The following BAZ2B variants were observed in gnomAD, a reference collection of about 807,000 sequenced individuals.
BAZ2B encodes bromodomain adjacent to zinc finger domain 2B, also known as bromodomain adjacent to zinc finger domain protein 2B.
Under a neutral mutation model 246.0 loss-of-function variants are expected in BAZ2B, and 91 were observed. The ratio of observed to expected loss-of-function variants is 0.37; its 90% CI spans 0.31 to 0.44. The LOEUF (loss-of-function observed/expected upper bound fraction) is 0.44. Among genes scored for constraint, BAZ2B ranks in the 20% least tolerant of loss-of-function variants. The probability of loss-of-function intolerance (pLI) is 1.00; values close to 1 mark genes in which losing one functional copy is unlikely to be tolerated. For synonymous variants in BAZ2B, 855 were observed against 860.0 expected, an observed-to-expected ratio of 0.99 and a Z score of 0.10; for missense variants, 2,332 against 2,533.7, an observed-to-expected ratio of 0.92 and a Z score of 1.71.
rs556971147 is a variant in BAZ2B, at chr2:159,460,299, C to T, written c.146-6498G>A. The T allele has an allele frequency of 1.7e-4, 26 of 152,144 alleles. 1 individual carries two copies. Among genetic ancestry groups the T allele is most frequent in the African/African-American group, 6.0e-4 (25 of 41,554 alleles). The allele number at this position is 152,144 out of a possible 1,614,324, so 9.4% of individuals were successfully genotyped here. A position where few individuals can be genotyped will look rare whatever the true frequency, so the allele number is the denominator to read the frequency against. ...ATTGTACTGAACTAATGCCTTGACTCTAAACTACCAGTGAACAAAATCTCC... is the reference window on the plus strand; with the variant it reads ...ATTGTACTGAACTAATGCCTTGACTTTAAACTACCAGTGAACAAAATCTCC... On this transcript the variant is annotated intron_variant, in intron 3 of 36. Transcript: ENST00000392783.
At chr2:159,549,816 T>TTTTA (rs1553710745) in intron 2 of BAZ2B, among the ~76,000 whole-genome samples, 5 of 141,254 alleles carry the variant, frequency 3.5e-5, no homozygotes, top group African/African-American at 5.3e-5. Flanking sequence ...GCATAAACTT[T>TTTTA]TTTCTTTCTT....
At chr2:159,372,777 A>G (rs926817573) in intron 27 of BAZ2B, among the ~76,000 whole-genome samples, 1 of 152,242 alleles carries the variant, frequency 6.6e-6, no homozygotes, top group Non-Finnish European at 1.5e-5. Flanking sequence ...ATAAAAGGTA[A>G]TATAGATGGA....
intron 20 of BAZ2B, among the ~76,000 whole-genome samples, chr2:159,391,072 G>A (rs1005138255): frequency 6.6e-6 from 1 of 152,076 alleles, no homozygotes; most frequent in Non-Finnish European, 1.5e-5. Context: ...CTGAAATTTC[G>A]ATTCTTAAAC....
chr2:159,374,843 T>C (rs17577396), intron 25 of BAZ2B, 90 bp from the exon 26 acceptor site: 16 of 1,090,160 alleles, frequency 1.5e-5, no homozygotes, highest in Non-Finnish European at 6.8e-6. Flanking sequence ...CTATAGGCAC[T>C]GCGGAAAGGT....
intron 2 of BAZ2B, among the ~76,000 whole-genome samples, chr2:159,506,292 G>A (rs900525371): frequency 4.6e-5 from 7 of 152,042 alleles, no homozygotes; most frequent in African/African-American, 1.4e-4. Flanking sequence ...TATCCAGAGC[G>A]AGCCAGGATG....
In BAZ2B at chr2:159,319,525, T is replaced by C. The variant is rs1456799481; in HGVS notation, c.*740A>G. 2 of 152,560 alleles carry C rather than the reference T, an allele frequency of 1.3e-5. No homozygotes were observed. The highest frequency in any genetic ancestry group is 2.4e-5 in the African/African-American group (1 of 41,422). 9.5% of individuals were successfully genotyped at this position (152,560 alleles called of 1,614,324 possible). On this transcript the variant is annotated 3_prime_UTR_variant, in exon 37 of 37. Transcript: ENST00000392783. This position sits in a 1 kb window ranked among gnomAD's most constrained non-coding sequence, Gnocchi z 4.0. Reference sequence around the variant, plus strand: ...AACAATAATGTCTGCAAACAATATATACACATAATACATATTTAAAACAAG... The same window carrying C: ...AACAATAATGTCTGCAAACAATATACACACATAATACATATTTAAAACAAG...
intron 2 of BAZ2B, among the ~76,000 whole-genome samples, chr2:159,500,666 C>T (rs1239766580): frequency 6.6e-6 from 1 of 152,068 alleles, no homozygotes; most frequent in Non-Finnish European, 1.5e-5. Context: ...ATGAAAACAG[C>T]TGGGAGGCCA....
At chr2:159,422,234 G>GA (rs1315970625) in intron 13 of BAZ2B, among the ~76,000 whole-genome samples, 5 of 152,098 alleles carry the variant, frequency 3.3e-5, no homozygotes, top group African/African-American at 4.8e-5. Flanking sequence ...CACAGAAACA[G>GA]AAAAAACTAT....
At chr2:159,659,800 G>A in the BAZ2B span, among the ~76,000 whole-genome samples, 2 of 152,058 alleles carry the variant, frequency 1.3e-5, no homozygotes, top group South Asian at 2.1e-4. Flanking sequence ...TGATTTCCAG[G>A]GCACAGAAGT....
intron 27 of BAZ2B, among the ~76,000 whole-genome samples, chr2:159,354,100 T>C (rs140446042): frequency 1.3e-5 from 2 of 152,258 alleles, no homozygotes; most frequent in East Asian, 3.9e-4. Flanking sequence ...TTCCAATCCT[T>C]TTAACTTTAG....
At chr2:159,489,140 A>T (rs1224442034) in intron 2 of BAZ2B, among the ~76,000 whole-genome samples, 2 of 152,202 alleles carry the variant, frequency 1.3e-5, no homozygotes, top group Non-Finnish European at 2.9e-5. Context: ...GATGTCCAAT[A>T]TGTTACACCA....
chr2:159,644,546 T>C, the BAZ2B span, among the ~76,000 whole-genome samples: 1 of 151,970 alleles, frequency 6.6e-6, no homozygotes, highest in Non-Finnish European at 1.5e-5. Context: ...GATTTCTGAA[T>C]CACCTTTGGT....
the BAZ2B span, among the ~76,000 whole-genome samples, chr2:159,675,541 A>C: frequency 3.3e-5 from 5 of 152,196 alleles, no homozygotes; most frequent in Non-Finnish European, 7.3e-5. Flanking sequence ...AGACAATCTG[A>C]AGAAATACTA....
intron 1 of BAZ2B, among the ~76,000 whole-genome samples, chr2:159,576,381 G>C (rs1222140714): frequency 6.6e-6 from 1 of 152,042 alleles, no homozygotes; most frequent in Non-Finnish European, 1.5e-5. Flanking sequence ...AACAAAGTGA[G>C]ACCCCGTCTT....
intron 1 of BAZ2B, among the ~76,000 whole-genome samples, 164 bp from the exon 2 acceptor site, chr2:159,556,029 T>C (rs1559765344): frequency 6.6e-6 from 1 of 152,182 alleles, no homozygotes; most frequent in Non-Finnish European, 1.5e-5. Flanking sequence ...AAAATAAGCA[T>C]AAAAGGACTG....
intron 17 of BAZ2B, 68 bp from the exon 18 acceptor site, chr2:159,398,962 TTGAAA>T (rs1304179572): frequency 1.2e-5 from 18 of 1,440,118 alleles, no homozygotes; most frequent in Non-Finnish European, 1.5e-5. Context: ...AATGTCAGAC[TTGAAA>T]TGAAGCTACA....
At chr2:159,418,676 A>C (rs2068189190) in intron 13 of BAZ2B, among the ~76,000 whole-genome samples, 1 of 152,176 alleles carries the variant, frequency 6.6e-6, no homozygotes, top group Admixed American at 6.5e-5. Flanking sequence ...GATTAGCTGA[A>C]TGATTTATTT....
At chr2:159,341,622 G>T (rs1199537239) in intron 31 of BAZ2B, among the ~76,000 whole-genome samples, 1 of 152,110 alleles carries the variant, frequency 6.6e-6, no homozygotes, top group African/African-American at 2.4e-5. Flanking sequence ...CATATGTTAG[G>T]ACTCAAATCT....
At chr2:159,599,796 C>T (rs1691653385) in intron 1 of BAZ2B, among the ~76,000 whole-genome samples, 3 of 149,888 alleles carry the variant, frequency 2.0e-5, no homozygotes, top group South Asian at 2.1e-4. Flanking sequence ...ATTAGCCGGG[C>T]GTGGTAGCGG....
Sources: gnomAD v4.1 joint callset for allele counts (sites outside exome capture counted in the v4.1 genomes callset) on GRCh38, gnomAD v4.1.1 for gene constraint, Gnocchi (gnomAD v3.1) non-coding constraint, MANE v1.5 for transcripts, NCBI Gene and HGNC (gene_info 2026-07-23, HGNC 2026-07-21) for gene names.